The following ACOXL variants were observed in gnomAD, a reference collection of about 807,000 sequenced individuals.
The protein encoded by ACOXL is acyl-CoA oxidase like, also known as acyl-coenzyme A oxidase-like protein.
A neutral mutation model predicts 71.9 loss-of-function variants in ACOXL; 70 were observed. The observed-to-expected ratio is 0.97, with a 90% CI of 0.80 to 1.19. The LOEUF is 1.19. ACOXL is among the 50% of genes most tolerant of loss of function. The pLI, the probability that ACOXL is intolerant of heterozygous loss-of-function variation, is 0.00. For missense variants in ACOXL, 703 were observed against 736.3 expected, an observed-to-expected ratio of 0.95 and a Z score of 0.52; for synonymous variants, 253 against 281.6, an observed-to-expected ratio of 0.90 and a Z score of 1.02.
intron 10 of ACOXL, among the ~76,000 whole-genome samples, chr2:110,902,812 C>A (rs2059293329): frequency 6.6e-6 from 1 of 152,150 alleles, no homozygotes; most frequent in Admixed American, 6.5e-5. Flanking sequence ...GGGCTGTGGA[C>A]TCTGTGAGAG....
In ACOXL at chr2:111,003,486, G is replaced by A. The variant is rs571190064; in HGVS notation, c.1281+7482G>A. Among the ~76,000 whole-genome samples, 5 of 142,018 alleles carry A rather than the reference G, an allele frequency of 3.5e-5. No individual in the cohort carries two copies. The South Asian group carries it at 1.2e-3, about 33-fold the overall frequency. 93.2% of individuals were successfully genotyped at this position (142,018 alleles called of 152,430 possible). A position where few individuals can be genotyped will look rare whatever the true frequency, so the allele number is the denominator to read the frequency against. Reference sequence around the variant, plus strand: ...GAATTGCTTGAACCCAGGAGGCGGAGGTTGCAGCGAACCGAGATTGCACCA... The same window carrying A: ...GAATTGCTTGAACCCAGGAGGCGGAAGTTGCAGCGAACCGAGATTGCACCA... On this transcript the variant is annotated intron_variant, in intron 14 of 17. Transcript: ENST00000439055.
At chr2:110,826,460 AC>A (rs1288638443) in intron 9 of ACOXL, among the ~76,000 whole-genome samples, 1 of 152,234 alleles carries the variant, frequency 6.6e-6, no homozygotes, top group Non-Finnish European at 1.5e-5. Context: ...GGGCTTAGGT[AC>A]AGCACTTGGC....
chr2:110,928,663 A>T (rs1356934456), intron 11 of ACOXL, among the ~76,000 whole-genome samples: 1 of 152,190 alleles, frequency 6.6e-6, no homozygotes, highest in East Asian at 1.9e-4. Context: ...GAATCTTACC[A>T]TGATGGTGGG....
chr2:111,066,376 A>G (rs13018717), intron 16 of ACOXL, among the ~76,000 whole-genome samples: 11,954 of 152,216 alleles, frequency 0.079, 598 homozygotes, highest in Non-Finnish European at 0.11. Flanking sequence ...GGTAAGGATG[A>G]GGAGATGTTT....
chr2:110,901,677 T>C (rs1382545827), intron 10 of ACOXL, among the ~76,000 whole-genome samples: 2 of 148,112 alleles, frequency 1.4e-5, no homozygotes, highest in South Asian at 2.1e-4. Context: ...CACACACATA[T>C]ACACTCACTT....
chr2:110,808,278 A>C (rs1422863899), intron 9 of ACOXL, among the ~76,000 whole-genome samples: 1 of 152,108 alleles, frequency 6.6e-6, no homozygotes, highest in Non-Finnish European at 1.5e-5. Context: ...AGAGGTAAAT[A>C]TTTTAGCTAA....
chr2:111,017,410 C>A (rs1034827421), intron 14 of ACOXL, among the ~76,000 whole-genome samples: 1 of 152,242 alleles, frequency 6.6e-6, no homozygotes, highest in Non-Finnish European at 1.5e-5. Context: ...CACGCCCTCA[C>A]CATTTCTGCG....
chr2:110,942,314 C>CA (rs1223188746), intron 12 of ACOXL, among the ~76,000 whole-genome samples: 2 of 152,044 alleles, frequency 1.3e-5, no homozygotes, highest in African/African-American at 4.8e-5. Flanking sequence ...TATATGCCTA[C>CA]AAAAAACCCA....
chr2:110,823,556 G>A (rs765084468), intron 9 of ACOXL, among the ~76,000 whole-genome samples: 19 of 152,184 alleles, frequency 1.2e-4, no homozygotes, highest in Admixed American at 1.3e-4. Context: ...TTCTGCAGTG[G>A]CTGTATAATT....
intron 17 of ACOXL, chr2:111,099,755 G>A (rs1346305420): frequency 6.6e-6 from 1 of 152,138 alleles, no homozygotes; most frequent in African/African-American, 2.4e-5. Flanking sequence ...CCAGACATTT[G>A]TATTTATTTT....
chr2:110,792,711 A>T (rs1016558850), intron 3 of ACOXL, among the ~76,000 whole-genome samples: 2 of 152,148 alleles, frequency 1.3e-5, no homozygotes, highest in Admixed American at 1.3e-4. Context: ...AGGCAGGAGG[A>T]TCGCTTGAGC....
intron 12 of ACOXL, among the ~76,000 whole-genome samples, chr2:110,946,037 T>C (rs1293375281): frequency 6.6e-6 from 1 of 152,226 alleles, no homozygotes; most frequent in East Asian, 1.9e-4. Context: ...CAGCGTTTTG[T>C]AATTCTTATT....
intron 10 of ACOXL, among the ~76,000 whole-genome samples, chr2:110,856,494 A>G (rs1164163753): frequency 1.3e-5 from 2 of 152,242 alleles, no homozygotes; most frequent in Admixed American, 1.3e-4. Context: ...TCCTTTAGGT[A>G]AAAAAGTGAA....
intron 12 of ACOXL, among the ~76,000 whole-genome samples, chr2:110,937,591 T>C (rs2060711716): frequency 6.6e-6 from 1 of 152,142 alleles, no homozygotes; most frequent in African/African-American, 2.4e-5. Flanking sequence ...AGAATGAACA[T>C]CTTCTAATTG....
At chr2:110,743,242 T>C (rs1677764676) in intron 1 of ACOXL, among the ~76,000 whole-genome samples, 1 of 152,252 alleles carries the variant, frequency 6.6e-6, no homozygotes, top group Admixed American at 6.5e-5. Context: ...GTAATACCAA[T>C]ACTTCAATTC....
rs944532329 is a variant in ACOXL at position 110,797,181 on chromosome 2, A to G, written c.346-1429A>G. On this transcript the variant is annotated intron_variant, in intron 5 of 17. Transcript: ENST00000439055. ...GGGAGCATTTCCACTATCGGCTTCC[A>G]GAGAGTAGGACAGAGAAGACGGAGT... Among the ~76,000 whole-genome samples, 19 of 152,342 alleles carry G rather than the reference A, an allele frequency of 1.2e-4. No homozygotes were observed. The East Asian group carries it at 3.5e-3, about 28-fold the overall frequency.
chr2:110,787,880 C>A (rs1347915354), intron 3 of ACOXL, among the ~76,000 whole-genome samples: 1 of 152,180 alleles, frequency 6.6e-6, no homozygotes, highest in Non-Finnish European at 1.5e-5. Context: ...CTCGCTGTCA[C>A]CTGTCTTTGC....
intron 9 of ACOXL, among the ~76,000 whole-genome samples, chr2:110,825,931 A>C (rs1189077109): frequency 6.6e-6 from 1 of 152,124 alleles, no homozygotes; most frequent in Non-Finnish European, 1.5e-5. Flanking sequence ...GAAGGTGTGG[A>C]GGAGAGAAAG....
chr2:111,108,672 C>T (rs1400350584), intron 17 of ACOXL, among the ~76,000 whole-genome samples: 21 of 152,302 alleles, frequency 1.4e-4, no homozygotes, highest in Middle Eastern at 3.4e-3. Flanking sequence ...CCACCATGCC[C>T]GGCCGAAGCG....
Sources: allele counts gnomAD v4.1 joint callset (sites outside exome capture counted in the v4.1 genomes callset), GRCh38; gene constraint gnomAD v4.1.1; transcripts MANE v1.5; gene names NCBI Gene and HGNC (gene_info 2026-07-23, HGNC 2026-07-21).